The following SOCS7 variants were observed in gnomAD, a reference collection of about 807,000 sequenced individuals.
SOCS7 encodes the protein NAP-4.
Under a neutral mutation model 58.9 loss-of-function variants are expected in SOCS7, and 18 were observed. That is an observed-to-expected ratio of 0.31 (90% CI 0.21 to 0.45). SOCS7 has a LOEUF of 0.45. Ranked by LOEUF, SOCS7 falls within the 20% of genes least tolerant of loss-of-function variation. The probability of loss-of-function intolerance (pLI) is 1.00; values close to 1 mark genes in which losing one functional copy is unlikely to be tolerated. For synonymous variants in SOCS7, 388 were observed against 364.3 expected, an observed-to-expected ratio of 1.06 and a Z score of -0.74; for missense variants, 667 against 837.3, an observed-to-expected ratio of 0.80 and a Z score of 2.51.
At chr17:38,379,465 C>G (rs1351374179) in intron 7 of SOCS7, among the ~76,000 whole-genome samples, 1 of 151,976 alleles carries the variant, frequency 6.6e-6, no homozygotes, top group Non-Finnish European at 1.5e-5. Context: ...GGCGACAGAG[C>G]CAGACTCTTT....
At chr17:38,378,554 T>C (rs149556069) in intron 7 of SOCS7, among the ~76,000 whole-genome samples, 16 of 152,264 alleles carry the variant, frequency 1.1e-4, no homozygotes, top group African/African-American at 3.9e-4. Context: ...CAGTTGCACA[T>C]TGCACTCTGT....
At chr17:38,360,375 T>G (rs1555567386) in intron 1 of SOCS7, among the ~76,000 whole-genome samples, 1 of 151,646 alleles carries the variant, frequency 6.6e-6, no homozygotes, top group Non-Finnish European at 1.5e-5. Flanking sequence ...TTTTGTTTAG[T>G]AGAGATGGAG....
intron 1 of SOCS7, among the ~76,000 whole-genome samples, chr17:38,359,941 C>A (rs1555567333): frequency 6.6e-6 from 1 of 151,738 alleles, no homozygotes; most frequent in Non-Finnish European, 1.5e-5. Context: ...CCACGCCCAG[C>A]TAATTTTTAT....
chr17:38,361,849 A>G lies in SOCS7; in HGVS notation c.1045+74A>G, dbSNP rs950149505. 15 of 1,060,328 alleles carry G rather than the reference A, an allele frequency of 1.4e-5. No individual in the cohort carries two copies. The African/African-American group carries it at 2.2e-4, about 16-fold the overall frequency. 65.7% of individuals were successfully genotyped at this position (1,060,328 alleles called of 1,614,324 possible). A position where few individuals can be genotyped will look rare whatever the true frequency, so the allele number is the denominator to read the frequency against. ...CTGAGACCTGTTGGGAAACACTTAC[A>G]GATGCATCACAGGGAGCTGTAGGCG... On this transcript the variant is annotated intron_variant, in intron 2 of 9. Coordinates refer to ENST00000612932, the MANE Select transcript of SOCS7 (RefSeq NM_014598.4).
intron 1 of SOCS7, among the ~76,000 whole-genome samples, chr17:38,358,720 ATATT>A (rs1266814055): frequency 6.6e-6 from 1 of 152,116 alleles, no homozygotes; most frequent in Non-Finnish European, 1.5e-5. Context: ...AGAAGCATGC[ATATT>A]TATTAGTAGC....
rs1172827352 is a variant in SOCS7 at position 38,352,516 on chromosome 17, C to G, written c.464C>G (p.Pro155Arg). 2 of 1,545,584 alleles carry G rather than the reference C, an allele frequency of 1.3e-6. No individual in the cohort carries two copies. Among genetic ancestry groups the G allele is most frequent in the Non-Finnish European group, 1.7e-6 (2 of 1,144,684 alleles). Residue 155 changes from proline (P) to arginine (R), a missense_variant, in exon 1 of 10, where the codon CCT becomes CGT. Coordinates refer to ENST00000612932, the MANE Select transcript of SOCS7 (RefSeq NM_014598.4). This position sits in a 1 kb window ranked among gnomAD's most constrained non-coding sequence, Gnocchi z 5.5. ...CPCPCPPQPP[P>R]PQPQPPAAAP... ...TGTCCGTGTCCTCCTCAGCCGCCCC[C>G]TCCGCAGCCCCAGCCGCCTGCTGCC...
At chr17:38,387,417 A>T (rs2038088249) in intron 7 of SOCS7, among the ~76,000 whole-genome samples, 1 of 146,046 alleles carries the variant, frequency 6.8e-6, no homozygotes, top group East Asian at 2.0e-4. Context: ...ACTGCACTCC[A>T]GCCTGGGTGA....
chr17:38,362,547 A>G (rs587760967), intron 2 of SOCS7, among the ~76,000 whole-genome samples: 1 of 152,302 alleles, frequency 6.6e-6, no homozygotes, highest in East Asian at 1.9e-4. Flanking sequence ...CCCAATCTCA[A>G]ACTCCTTTGG....
intron 6 of SOCS7, among the ~76,000 whole-genome samples, chr17:38,371,514 CCCA>C (rs2037864328): frequency 1.5e-5 from 1 of 68,104 alleles, no homozygotes; most frequent in Non-Finnish European, 3.0e-5. Context: ...AGGGGATCTG[CCCA>C]CCTCAGCCTC....
At chr17:38,359,696 C>T (rs898253744) in intron 1 of SOCS7, among the ~76,000 whole-genome samples, 18 of 151,492 alleles carry the variant, frequency 1.2e-4, no homozygotes, top group African/African-American at 4.1e-4. Flanking sequence ...AGGAGACAGG[C>T]ACTCAATTCT....
At chr17:38,364,118 C>G (rs587695921) in intron 2 of SOCS7, among the ~76,000 whole-genome samples, 1 of 152,312 alleles carries the variant, frequency 6.6e-6, no homozygotes, top group South Asian at 2.1e-4. Flanking sequence ...TGACTTTTGT[C>G]TGACTGTGAA....
intron 6 of SOCS7, among the ~76,000 whole-genome samples, chr17:38,368,902 A>G (rs1223934860): frequency 6.6e-6 from 1 of 152,134 alleles, no homozygotes; most frequent in Non-Finnish European, 1.5e-5. Flanking sequence ...AGTTTGTGGG[A>G]TCAACATGCT....
rs1236351081 is a variant in SOCS7, at chr17:38,402,529, C to G, written c.*3047C>G. 2 of 152,202 alleles carry G rather than the reference C, an allele frequency of 1.3e-5. No individual in the cohort carries two copies. Among genetic ancestry groups the G allele is most frequent in the Non-Finnish European group, 2.9e-5 (2 of 68,100 alleles). 9.4% of individuals were successfully genotyped at this position (152,202 alleles called of 1,614,324 possible). ...TGGGTGGATCATGAGGTCGGGAGTT[C>G]AAGACCAGCTTGGCCAAACAGTGAA... On this transcript the variant is annotated 3_prime_UTR_variant, in exon 10 of 10. Transcript: ENST00000612932.
Position 38,402,413 on chromosome 17 carries a change from A to G in SOCS7, c.*2931A>G, listed in dbSNP as rs935591960. On this transcript the variant is annotated 3_prime_UTR_variant, in exon 10 of 10. Transcript: ENST00000612932. ...TGACCAGGCCCGTCCCTCCTTCGCC[A>G]GTGCTGTGCAGAGCTCATTTAAATG... 1 of 152,356 alleles carries G rather than the reference A, an allele frequency of 6.6e-6. No homozygotes were observed. The highest frequency in any genetic ancestry group is 1.5e-5 in the Non-Finnish European group (1 of 68,178). 9.4% of individuals were successfully genotyped at this position (152,356 alleles called of 1,614,324 possible).
intron 4 of SOCS7, chr17:38,365,971 G>A (rs2037783923): frequency 3.7e-6 from 4 of 1,093,336 alleles, no homozygotes; most frequent in African/African-American, 1.6e-5. Flanking sequence ...ACTTCACTTC[G>A]AGGTGGGAGA....
chr17:38,387,830 C>T (rs866117525), intron 7 of SOCS7, among the ~76,000 whole-genome samples: 59 of 143,830 alleles, frequency 4.1e-4, no homozygotes, highest in South Asian at 3.3e-3. Context: ...AGTGCAGTGG[C>T]GTGATCTTGG....
rs587738944 is a variant in SOCS7, at chr17:38,364,743, A to T, written c.1046-9A>T. The T allele has an allele frequency of 6.2e-7, 1 of 1,612,694 alleles. No individual in the cohort carries two copies. Among genetic ancestry groups the T allele is most frequent in the Admixed American group, 1.7e-5 (1 of 59,972 alleles). On this transcript the variant is annotated splice_polypyrimidine_tract_variant and intron_variant, in intron 2 of 9. Transcript: ENST00000612932. ...CTTCTGTAACTTGCTTGCTCCATGA[A>T]TCCCTCAGGTGAAACTGTGTCGCTT...
intron 9 of SOCS7, among the ~76,000 whole-genome samples, chr17:38,396,995 T>C (rs1470295685): frequency 6.6e-6 from 1 of 152,212 alleles, no homozygotes; most frequent in Non-Finnish European, 1.5e-5. Flanking sequence ...GAGGTCCACC[T>C]ACCTGACTAC....
At chr17:38,360,454 G>T (rs1555567411) in intron 1 of SOCS7, among the ~76,000 whole-genome samples, 1 of 152,066 alleles carries the variant, frequency 6.6e-6, no homozygotes, top group African/African-American at 2.4e-5. Context: ...GCCTCCCAAA[G>T]TGTTGGGATT....
Sources: allele counts gnomAD v4.1 joint callset (sites outside exome capture counted in the v4.1 genomes callset), GRCh38; gene constraint gnomAD v4.1.1; non-coding constraint Gnocchi (gnomAD v3.1); transcripts MANE v1.5; gene names NCBI Gene and HGNC (gene_info 2026-07-23, HGNC 2026-07-21).